The following GULP1 variants were observed in gnomAD, a reference collection of about 807,000 sequenced individuals.
GULP1 encodes the protein GULP PTB domain containing engulfment adaptor 1, also known as PTB domain-containing engulfment adapter protein 1.
A neutral mutation model predicts 40.9 loss-of-function variants in GULP1; 19 were observed. The ratio of observed to expected loss-of-function variants is 0.46; its 90% CI spans 0.32 to 0.68. GULP1 has a LOEUF of 0.68. GULP1 is among the 30% of genes least tolerant of loss of function. The pLI is 0.03. For synonymous variants in GULP1, 119 were observed against 117.6 expected, an observed-to-expected ratio of 1.01 and a Z score of -0.08; for missense variants, 312 against 362.2, an observed-to-expected ratio of 0.86 and a Z score of 1.12.
chr2:188,452,623 T>C (rs2058921759), intron 2 of GULP1, among the ~76,000 whole-genome samples: 1 of 152,188 alleles, frequency 6.6e-6, no homozygotes, highest in Admixed American at 6.5e-5. Context: ...AAACAACAAA[T>C]GGTAGGTCCC....
chr2:188,487,885 T>C (rs2062000460), intron 4 of GULP1, among the ~76,000 whole-genome samples: 1 of 152,002 alleles, frequency 6.6e-6, no homozygotes, highest in African/African-American at 2.4e-5. Flanking sequence ...GTTTCTAGTG[T>C]GGCTTTCTCA....
At chr2:188,562,632 GA>G in intron 7 of GULP1, among the ~76,000 whole-genome samples, 1 of 151,600 alleles carries the variant, frequency 6.6e-6, no homozygotes, top group Non-Finnish European at 1.5e-5. Context: ...AGAACAAGTA[GA>G]AAAAAAGTCA....
chr2:188,385,171 C>A (rs1249810943), intron 2 of GULP1, among the ~76,000 whole-genome samples: 1 of 152,196 alleles, frequency 6.6e-6, no homozygotes, highest in Non-Finnish European at 1.5e-5. Context: ...CTGCAGCAAA[C>A]TTCTGCCTGG....
At chr2:188,397,277 A>G (rs2051417319) in intron 2 of GULP1, among the ~76,000 whole-genome samples, 1 of 152,176 alleles carries the variant, frequency 6.6e-6, no homozygotes, top group Non-Finnish European at 1.5e-5. Context: ...ATGAGTAGGT[A>G]CGTTTTTTAC....
chr2:188,499,169 A>ATATG (rs1421637452), intron 4 of GULP1, among the ~76,000 whole-genome samples: 13 of 142,486 alleles, frequency 9.1e-5, no homozygotes, highest in Non-Finnish European at 1.5e-4. Context: ...ATATATATAT[A>ATATG]TGAACTCTGC....
In GULP1 at chr2:188,399,714, A is replaced by AAAAAAAC. The variant is rs1553540229; in HGVS notation, c.-45+15825_-45+15826insAAAAAAC. ...AGAAAAAAAAAAAAAAAAAAAAAAA[A>AAAAAAAC]CATCAAACTGTAATAACAATAAAAT... On this transcript the variant is annotated intron_variant, in intron 2 of 11. Coordinates refer to ENST00000409830, the MANE Select transcript of GULP1 (RefSeq NM_016315.4). Among the ~76,000 whole-genome samples, 896 of 130,900 alleles carry AAAAAAAC rather than the reference A, an allele frequency of 6.8e-3. 43 individuals carry two copies. The highest frequency in any genetic ancestry group is 0.011 in the Non-Finnish European group (686 of 63,394). The allele number at this position is 130,900 out of a possible 152,430, so 85.9% of individuals were successfully genotyped here. A position where few individuals can be genotyped will look rare whatever the true frequency, so the allele number is the denominator to read the frequency against.
chr2:188,461,697 A>G (rs1207754971), intron 2 of GULP1, among the ~76,000 whole-genome samples: 1 of 152,048 alleles, frequency 6.6e-6, no homozygotes, highest in Non-Finnish European at 1.5e-5. Context: ...GGTAGGTTGT[A>G]TGTGTCTAGG....
intron 2 of GULP1, among the ~76,000 whole-genome samples, chr2:188,413,484 C>G (rs1459466320): frequency 2.0e-5 from 3 of 152,056 alleles, no homozygotes; most frequent in African/African-American, 7.2e-5. Flanking sequence ...CATAAATGTC[C>G]TTTTTTGAAA....
chr2:188,579,193 C>T (rs747191636), intron 9 of GULP1, among the ~76,000 whole-genome samples: 1 of 152,112 alleles, frequency 6.6e-6, no homozygotes, highest in Non-Finnish European at 1.5e-5. Context: ...CAGATTATGA[C>T]ATTCAAGTGT....
At chr2:188,323,200 A>G (rs2040250804) in intron 1 of GULP1, among the ~76,000 whole-genome samples, 1 of 152,028 alleles carries the variant, frequency 6.6e-6, no homozygotes, top group Non-Finnish European at 1.5e-5. Context: ...TCCTTTGCAG[A>G]CAGAGTGAAT....
rs1406494195 is a variant in GULP1, at chr2:188,381,952, A to G, written c.-171-1811A>G. 4.6e-5 allele frequency among the ~76,000 whole-genome samples: 7 copies of G among 152,234 alleles called. No homozygotes were observed. The East Asian group carries it at 1.2e-3, about 25-fold the overall frequency. On this transcript the variant is annotated intron_variant, in intron 1 of 11. Transcript: ENST00000409830. ...TGCTAAGAAAATAACATACGATTTA[A>G]TAAATAATAGTGTTACTGAGTAAGC...
At position 188,569,326 on chromosome 2, in the gene GULP1, A is replaced by G; in HGVS notation, c.487A>G (p.Arg163Gly). The stretch of plus-strand genomic sequence containing the variant: ...ATCAGGAGGAAAAGATGTTGAAACA[A>G]GAAAACAGATCGCAGGGTTACAAAA... ...LESGGKDVETRKQIAGLQKRI... is the reference protein window; with the variant it reads ...LESGGKDVETGKQIAGLQKRI... Residue 163 changes from arginine to glycine, a missense_variant, in exon 8 of 12, where the codon AGA (arginine) becomes GGA (glycine). By Grantham distance (125) the Arg-to-Gly change is moderately radical. Transcript: ENST00000409830. The G allele has an allele frequency of 6.3e-7, 1 of 1,582,788 alleles. No homozygotes were observed. Among genetic ancestry groups the G allele is most frequent in the East Asian group, 2.2e-5 (1 of 44,730 alleles).
chr2:188,492,774 G>A (rs1341044101), intron 4 of GULP1, among the ~76,000 whole-genome samples: 2 of 152,036 alleles, frequency 1.3e-5, no homozygotes, highest in Admixed American at 6.6e-5. Flanking sequence ...TTTGCCAAAA[G>A]CGATATTAGT....
chr2:188,360,574 A>G (rs952958147), intron 1 of GULP1, among the ~76,000 whole-genome samples: 7 of 152,140 alleles, frequency 4.6e-5, no homozygotes, highest in Non-Finnish European at 7.4e-5. Flanking sequence ...AGATTGATTT[A>G]ATTGTCAATG....
chr2:188,400,283 T>C (rs990231792), intron 2 of GULP1, among the ~76,000 whole-genome samples: 1 of 152,210 alleles, frequency 6.6e-6, no homozygotes, highest in Non-Finnish European at 1.5e-5. Flanking sequence ...TCAGTCATTG[T>C]ATTTAGGGCC....
At chr2:188,385,472 G>A (rs2049586185) in intron 2 of GULP1, among the ~76,000 whole-genome samples, 1 of 152,126 alleles carries the variant, frequency 6.6e-6, no homozygotes, top group Admixed American at 6.6e-5. Context: ...CCTCTGGCAT[G>A]CCCTGGAGAC....
At chr2:188,502,867 C>T (rs559473730) in intron 4 of GULP1, among the ~76,000 whole-genome samples, 3 of 151,898 alleles carry the variant, frequency 2.0e-5, no homozygotes, top group African/African-American at 7.2e-5. Flanking sequence ...AAGGGATTGG[C>T]AGGCTTAATG....
At chr2:188,539,165 G>T (rs142499820) in intron 6 of GULP1, among the ~76,000 whole-genome samples, 1 of 152,150 alleles carries the variant, frequency 6.6e-6, no homozygotes, top group African/African-American at 2.4e-5. Context: ...GAGAGACTAT[G>T]TAGATTTCAG....
intron 1 of GULP1, among the ~76,000 whole-genome samples, chr2:188,300,220 T>TGTG (rs2035881322): frequency 6.6e-6 from 1 of 152,208 alleles, no homozygotes; most frequent in Non-Finnish European, 1.5e-5. Context: ...CAGCATTAAC[T>TGTG]ATATTGGGAG....
Sources: gnomAD v4.1 joint callset for allele counts (sites outside exome capture counted in the v4.1 genomes callset) on GRCh38, gnomAD v4.1.1 for gene constraint, MANE v1.5 for transcripts, NCBI Gene and HGNC (gene_info 2026-07-23, HGNC 2026-07-21) for gene names.